FREM1: variants seen among roughly 807,000 people sequenced by gnomAD.
FREM1 encodes the protein FRAS1 related extracellular matrix 1.
Under a neutral mutation model 210.1 loss-of-function variants are expected in FREM1, and 220 were observed. The observed-to-expected ratio is 1.05, with a 90% CI of 0.94 to 1.17. The LOEUF (loss-of-function observed/expected upper bound fraction) is 1.17. Among genes scored for constraint, FREM1 ranks in the 50% most tolerant of loss-of-function variants. The pLI, the probability that FREM1 is intolerant of heterozygous loss-of-function variation, is 0.00. For synonymous variants in FREM1, 1,189 were observed against 980.2 expected (o/e 1.21, Z -3.98); for missense variants, 3,454 against 2,675.5 (o/e 1.29, Z -6.42).
chr9:14,811,087 G>A (rs971952387), intron 16 of FREM1, among the ~76,000 whole-genome samples: 1 of 152,086 alleles, frequency 6.6e-6, no homozygotes, highest in African/African-American at 2.4e-5. Context: ...CCCAGGGCTG[G>A]GTAACTACCA....
chr9:14,887,910 G>C (rs774349114), intron 1 of FREM1, among the ~76,000 whole-genome samples: 2 of 152,160 alleles, frequency 1.3e-5, no homozygotes, highest in Non-Finnish European at 2.9e-5. Context: ...GGATCCTCCT[G>C]TCTCAGCCTC....
Position 14,863,107 on chromosome 9 carries a change from G to A in FREM1, c.329+702C>T, listed in dbSNP as rs564868452. 3.3e-5 allele frequency among the ~76,000 whole-genome samples: 5 copies of A among 152,022 alleles called. No homozygotes were observed. In the East Asian group the frequency reaches 5.8e-4, roughly 18 times the overall value. ...CTGTAATCCCAGCACTTTGGGAGGC[G>A]GAGACAGGCAGATCATGTGGTCAGG... On this transcript the variant is annotated intron_variant, in intron 3 of 36. Transcript: ENST00000380880.
At position 14,746,451 on chromosome 9, in the gene FREM1, G is replaced by A. The variant is rs1842446141; in HGVS notation, c.6156C>T (p.Ser2052=). The stretch of plus-strand genomic sequence containing the variant: ...AGTGCTGGTGCCACCCGGCTGGACA[G>A]GATTTGTCTTCCACATCCTGAAAAA... ...SPQTKDVEDK[S]CPAGWHQHSG... Residue 2052 remains serine, a synonymous_variant, in exon 35 of 37, where the codon TCC becomes TCT. Transcript: ENST00000380880. The A allele has an allele frequency of 1.2e-6, 2 of 1,613,424 alleles. No individual in the cohort carries two copies. The highest frequency in any genetic ancestry group is 2.2e-5 in the South Asian group (2 of 91,078).
At chr9:14,744,370 T>C (rs1038571390) in intron 35 of FREM1, among the ~76,000 whole-genome samples, 1 of 152,188 alleles carries the variant, frequency 6.6e-6, no homozygotes, top group African/African-American at 2.4e-5. Context: ...ACACTTCTCT[T>C]ACTTTAGAAC....
At chr9:14,798,263 T>A (rs186649888) in intron 20 of FREM1, among the ~76,000 whole-genome samples, 1 of 152,350 alleles carries the variant, frequency 6.6e-6, no homozygotes, top group African/African-American at 2.4e-5. Flanking sequence ...ATCTGGATAT[T>A]TTAAAGTTGT....
At chr9:14,814,931 G>C (rs987251070) in intron 15 of FREM1, among the ~76,000 whole-genome samples, 22 of 152,158 alleles carry the variant, frequency 1.4e-4, no homozygotes, top group Admixed American at 3.9e-4. Context: ...TGGAAGATAG[G>C]GTTGGGGTTT....
At chr9:14,786,996 G>C (rs1185869736) in intron 23 of FREM1, among the ~76,000 whole-genome samples, 1 of 152,220 alleles carries the variant, frequency 6.6e-6, no homozygotes, top group African/African-American at 2.4e-5. Flanking sequence ...TAAGGGCAGA[G>C]TGTAGGTTAG....
Position 14,788,726 on chromosome 9 carries a change from G to A in FREM1, c.4177+193C>T, listed in dbSNP as rs1180236999. Among the ~76,000 whole-genome samples, 13 of 152,130 alleles carry A rather than the reference G, an allele frequency of 8.5e-5. 1 individual carries two copies. Reference sequence around the variant, plus strand: ...AATAACGAATGGATTGGCTACTTCTGTGAACCACATAGGTCCCAGGCAAAG... The same window carrying A: ...AATAACGAATGGATTGGCTACTTCTATGAACCACATAGGTCCCAGGCAAAG... On this transcript the variant is annotated intron_variant, in intron 23 of 36. Coordinates refer to ENST00000380880, the MANE Select transcript of FREM1 (RefSeq NM_001379081.2).
In FREM1 at chr9:14,868,198, T is replaced by C. The variant is rs1831900623; in HGVS notation, c.234+546A>G. Among the ~76,000 whole-genome samples, 3 of 152,218 alleles carry C rather than the reference T, an allele frequency of 2.0e-5. No individual in the cohort carries two copies. In the South Asian group the frequency reaches 6.2e-4, roughly 32 times the overall value. The stretch of plus-strand genomic sequence containing the variant: ...AGGTCACAGGTATGTCCTAAAAATG[T>C]CTTGAAATCTTGATCTCTTATCCAA... On this transcript the variant is annotated intron_variant, in intron 2 of 36. Coordinates refer to ENST00000380880, the MANE Select transcript of FREM1 (RefSeq NM_001379081.2).
At chr9:14,895,362 T>A (rs971404427) in intron 1 of FREM1, among the ~76,000 whole-genome samples, 1 of 152,200 alleles carries the variant, frequency 6.6e-6, no homozygotes, top group African/African-American at 2.4e-5. Context: ...CTGATTAGAT[T>A]CTAGTCTCAT....
Position 14,813,831 on chromosome 9 carries a change from G to A in FREM1, c.2641-767C>T, listed in dbSNP as rs569492545. On this transcript the variant is annotated intron_variant, in intron 15 of 36. Coordinates refer to ENST00000380880, the MANE Select transcript of FREM1 (RefSeq NM_001379081.2). ...TTGGTGTGTGCTGCAAGGCTGCCAC[G>A]TCTGCCCTGTGAATCCTCTCAACCC... Among the ~76,000 whole-genome samples, 25 of 152,268 alleles carry A rather than the reference G, an allele frequency of 1.6e-4. No homozygotes were observed. In the South Asian group the frequency reaches 1.9e-3, roughly 11 times the overall value.
At chr9:14,848,150 C>T (rs1588344462) in intron 7 of FREM1, among the ~76,000 whole-genome samples, 1 of 152,222 alleles carries the variant, frequency 6.6e-6, no homozygotes, top group Non-Finnish European at 1.5e-5. Flanking sequence ...TTACATTCCA[C>T]ATTTACATCT....
At chr9:14,889,687 C>T (rs1159355644) in intron 1 of FREM1, among the ~76,000 whole-genome samples, 1 of 152,144 alleles carries the variant, frequency 6.6e-6, no homozygotes, top group Non-Finnish European at 1.5e-5. Flanking sequence ...GAGAGGGAGC[C>T]CTCCCTCAGG....
intron 20 of FREM1, among the ~76,000 whole-genome samples, chr9:14,801,174 T>A (rs898951155): frequency 2.6e-5 from 4 of 152,110 alleles, no homozygotes; most frequent in Non-Finnish European, 4.4e-5. Flanking sequence ...ATTTTTGTAT[T>A]TTTAGTAGAG....
rs576706854 is a variant in FREM1 at position 14,778,382 on chromosome 9, G to A, written c.4443-2179C>T. On this transcript the variant is annotated intron_variant, in intron 24 of 36. Coordinates refer to ENST00000380880, the MANE Select transcript of FREM1 (RefSeq NM_001379081.2). The stretch of plus-strand genomic sequence containing the variant: ...ACCCAGTACCTTGGCTGGCCAAGGC[G>A]GGCAGATGGCTTGAGTCCAGGAGTT... Among the ~76,000 whole-genome samples, 5 of 151,538 alleles carry A rather than the reference G, an allele frequency of 3.3e-5. No individual in the cohort carries two copies. In the East Asian group the frequency reaches 5.9e-4, roughly 18 times the overall value.
At chr9:14,876,652 C>G (rs545836388) in intron 1 of FREM1, among the ~76,000 whole-genome samples, 1 of 152,292 alleles carries the variant, frequency 6.6e-6, no homozygotes, top group Admixed American at 6.5e-5. Context: ...ATGCCTCACC[C>G]TGCTTCGGCT....
chr9:14,785,013 A>G (rs1425070668), intron 23 of FREM1, among the ~76,000 whole-genome samples: 1 of 152,164 alleles, frequency 6.6e-6, no homozygotes, highest in African/African-American at 2.4e-5. Flanking sequence ...GTAAATTGGT[A>G]CAAGATTTGG....
intron 5 of FREM1, among the ~76,000 whole-genome samples, chr9:14,853,208 CA>C (rs1191464913): frequency 1.3e-5 from 2 of 151,464 alleles, no homozygotes; most frequent in Admixed American, 1.3e-4. Context: ...TGGCTGGAAG[CA>C]AAAAAAATGA....
At chr9:14,825,655 C>G (rs1822313153) in intron 10 of FREM1, among the ~76,000 whole-genome samples, 1 of 150,446 alleles carries the variant, frequency 6.6e-6, no homozygotes, top group Admixed American at 6.7e-5. Context: ...ATTTTTACAT[C>G]TCTCTTCTAC....
Sources: gnomAD v4.1 joint callset for allele counts (sites outside exome capture counted in the v4.1 genomes callset) on GRCh38, gnomAD v4.1.1 for gene constraint, MANE v1.5 for transcripts, NCBI Gene and HGNC (gene_info 2026-07-23, HGNC 2026-07-21) for gene names.